The following CLEC12A variants were observed in gnomAD, a reference collection of about 807,000 sequenced individuals.
The protein encoded by CLEC12A is C-type lectin domain family 12 member A, also known as C-type lectin protein CLL-1.
A neutral mutation model predicts 26.5 loss-of-function variants in CLEC12A; 22 were observed. That is an observed-to-expected ratio of 0.83 (90% CI 0.59 to 1.19). The LOEUF (loss-of-function observed/expected upper bound fraction) is 1.19. Among genes scored for constraint, CLEC12A ranks in the 50% most tolerant of loss-of-function variants. The pLI is 0.00. For missense variants in CLEC12A, 353 were observed against 315.6 expected, an observed-to-expected ratio of 1.12 and a Z score of -0.90; for synonymous variants, 119 against 101.9, an observed-to-expected ratio of 1.17 and a Z score of -1.01.
intron 1 of CLEC12A, among the ~76,000 whole-genome samples, chr12:9,961,185 A>T (rs1171524644): frequency 6.6e-6 from 1 of 152,230 alleles, no homozygotes; most frequent in East Asian, 1.9e-4. Flanking sequence ...CCAAGGTTTT[A>T]TCATGCAAAT....
At chr12:9,953,685 G>A (rs1243067260) in intron 1 of CLEC12A, among the ~76,000 whole-genome samples, 4 of 151,390 alleles carry the variant, frequency 2.6e-5, no homozygotes, top group Middle Eastern at 3.4e-3. Flanking sequence ...CCCTCTGCCC[G>A]GCCACCACCC....
At chr12:9,951,634 G>A (rs1258517565) in intron 1 of CLEC12A, 1 of 452,008 alleles carries the variant, frequency 2.2e-6, no homozygotes, top group Admixed American at 3.5e-5. Flanking sequence ...CAACAAACAG[G>A]GAGAAAGCAA....
At chr12:10,002,659 A>G in the CLEC12A span, among the ~76,000 whole-genome samples, 189 of 150,992 alleles carry the variant, frequency 1.3e-3, no homozygotes, top group African/African-American at 4.3e-3. Context: ...AGCCAGGATG[A>G]TCTCGATCTC....
In CLEC12A at chr12:9,985,295, G is replaced by A. The variant is rs919568170; in HGVS notation, c.*269G>A. 8 of 402,084 alleles carry A rather than the reference G, an allele frequency of 2.0e-5. No individual in the cohort carries two copies. In the East Asian group the frequency reaches 2.1e-4, roughly 11 times the overall value. The allele number at this position is 402,084 out of a possible 1,614,324, so 24.9% of individuals were successfully genotyped here. A position where few individuals can be genotyped will look rare whatever the true frequency, so the allele number is the denominator to read the frequency against. ...GAAGTCCATTCAGATAGTTGTGGGGGGCCTTCGAATTTTCATTTTCATTTA... is the reference window on the plus strand; with the variant it reads ...GAAGTCCATTCAGATAGTTGTGGGGAGCCTTCGAATTTTCATTTTCATTTA... On this transcript the variant is annotated 3_prime_UTR_variant, in exon 6 of 6. Coordinates refer to ENST00000304361, the MANE Select transcript of CLEC12A (RefSeq NM_138337.6).
At chr12:9,992,984 AG>A in intron 4 of CLEC12A, 1 of 638,700 alleles carries the variant, frequency 1.6e-6, no homozygotes, top group South Asian at 2.6e-5. Flanking sequence ...GTATATTCAA[AG>A]AAGGGACTAG....
chr12:9,991,570 C>T (rs921982417), intron 4 of CLEC12A: 1 of 152,100 alleles, frequency 6.6e-6, no homozygotes, highest in Non-Finnish European at 1.5e-5. Flanking sequence ...GATCTCCAGA[C>T]ATTTGAAGTA....
At chr12:9,984,811 C>A in intron 5 of CLEC12A, 59 bp from the exon 6 acceptor site, 1 of 1,347,882 alleles carries the variant, frequency 7.4e-7, no homozygotes, top group Non-Finnish European at 9.6e-7. Flanking sequence ...ATTTTTTTTT[C>A]TGTGAATATG....
chr12:9,968,457 G>A (rs930556461), upstream of CLEC12A, among the ~76,000 whole-genome samples: 1 of 152,158 alleles, frequency 6.6e-6, no homozygotes, highest in African/African-American at 2.4e-5. Context: ...TCTCTGGCGG[G>A]CAGGAGTGGG....
At chr12:9,977,922 A>T (rs1413083517) in intron 1 of CLEC12A, among the ~76,000 whole-genome samples, 1 of 152,174 alleles carries the variant, frequency 6.6e-6, no homozygotes, top group Non-Finnish European at 1.5e-5. Flanking sequence ...ATAATTGAAT[A>T]CACATATAAA....
chr12:9,990,120 G>T (rs1026669886), downstream of CLEC12A, among the ~76,000 whole-genome samples: 1 of 151,958 alleles, frequency 6.6e-6, no homozygotes, highest in Admixed American at 6.6e-5. Context: ...GACATGTACC[G>T]GGAGGTTAAT....
chr12:9,995,398 C>T (rs1409382684), exon 5 of CLEC12A: 1 of 718,776 alleles, frequency 1.4e-6, no homozygotes, highest in Non-Finnish European at 2.5e-6. Flanking sequence ...TGAAATTGTA[C>T]CAATTTGACT....
chr12:9,965,548 G>C (rs1158748018), intron 1 of CLEC12A, among the ~76,000 whole-genome samples: 2 of 151,694 alleles, frequency 1.3e-5, no homozygotes, highest in Non-Finnish European at 2.9e-5. Context: ...AGTAAAGAAA[G>C]CATGTTTGAG....
At chr12:9,992,400 A>G (rs1333088949) in intron 4 of CLEC12A, 3 of 152,084 alleles carry the variant, frequency 2.0e-5, no homozygotes, top group Non-Finnish European at 4.4e-5. Context: ...TAATGTTTTA[A>G]TGATTGAGCT....
chr12:9,989,087 A>G (rs1081386), downstream of CLEC12A, among the ~76,000 whole-genome samples: 87,441 of 151,614 alleles, frequency 0.58, 25,732 homozygotes, highest in East Asian at 0.87. Flanking sequence ...GCTGGAAACC[A>G]TCATTCTCAG....
chr12:9,982,759 A>T (rs1161838691), intron 5 of CLEC12A, among the ~76,000 whole-genome samples: 2 of 152,130 alleles, frequency 1.3e-5, no homozygotes, highest in African/African-American at 4.8e-5. Flanking sequence ...CACTGTACCC[A>T]ACAGGTAATT....
intron 4 of CLEC12A, chr12:9,992,178 A>G (rs1019714903): frequency 1.3e-5 from 2 of 152,166 alleles, no homozygotes; most frequent in African/African-American, 4.8e-5. Context: ...TGAGTTACTC[A>G]GCAAAAATAA....
Position 9,965,020 on chromosome 12 carries a change from C to G in CLEC12A, c.11-6557C>G, listed in dbSNP as rs140682687. Among the ~76,000 whole-genome samples the G allele has an allele frequency of 1.5e-4, 23 of 152,018 alleles. No individual in the cohort carries two copies. In the East Asian group the frequency reaches 4.4e-3, roughly 29 times the overall value. On this transcript the variant is annotated intron_variant, in intron 1 of 6. Transcript: ENST00000355690. ...CAAAAAGGGAGTGTAGCTGAAGGAG[C>G]CAGGGAGCAGAAAGTGTATGCGTCA...
chr12:10,000,290 A>G (rs75265877), downstream of CLEC12A, among the ~76,000 whole-genome samples: 1,251 of 152,242 alleles, frequency 8.2e-3, 13 homozygotes, highest in African/African-American at 0.028. Flanking sequence ...TAGCCCGTAG[A>G]TTTTTTCTCC....
downstream of CLEC12A, chr12:9,999,399 G>A (rs1048361326): frequency 2.5e-5 from 6 of 242,244 alleles, no homozygotes; most frequent in Admixed American, 3.3e-4. Context: ...CTAAATAAAG[G>A]GACATTCCAT....
Sources: gnomAD v4.1 joint callset for allele counts (sites outside exome capture counted in the v4.1 genomes callset) on GRCh38, gnomAD v4.1.1 for gene constraint, MANE v1.5 for transcripts, NCBI Gene and HGNC (gene_info 2026-07-23, HGNC 2026-07-21) for gene names.